The following CFAP52 variants were observed in gnomAD, a reference collection of about 807,000 sequenced individuals.
The protein encoded by CFAP52 is cilia and flagella associated protein 52, also known as cilia- and flagella-associated protein 52.
In CFAP52, 57 loss-of-function variants were observed where a neutral mutation model predicts 70.5. The observed-to-expected ratio is 0.81, with a 90% CI of 0.65 to 1.01. CFAP52 has a LOEUF of 1.01. CFAP52 is among the 50% of genes least tolerant of loss of function. The pLI is 0.00. For missense variants in CFAP52, 785 were observed against 788.5 expected (o/e 1.00, Z 0.05); for synonymous variants, 267 against 292.5 (o/e 0.91, Z 0.89).
In CFAP52 at chr17:9,585,957, A is replaced by G. The variant is rs760112887; in HGVS notation, c.255A>G (p.Thr85=). ...AGTACATCGCCTCCGGACAAGTCAC[A>G]TTCATGGGGTTCAAGGTGAATACAG... ...SGEYIASGQV[T]FMGFKADIIL... is the part of the protein sequence containing the mutation. The change falls in exon 2 of 14, where the codon ACA becomes ACG. Residue 85 remains threonine (T), a synonymous_variant. Coordinates refer to ENST00000352665, the MANE Select transcript of CFAP52 (RefSeq NM_145054.5). 6.2e-6 allele frequency: 10 copies of G among 1,611,554 alleles called. No individual in the cohort carries two copies. The highest frequency in any genetic ancestry group is 8.5e-6 in the Non-Finnish European group (10 of 1,178,728).
rs369683878 is a variant in CFAP52, at chr17:9,590,464, G to A, written c.407+3630G>A. The A allele has an allele frequency of 2.1e-3, 398 of 193,282 alleles. 8 individuals carry two copies. The South Asian group carries it at 0.042, about 20-fold the overall frequency. The allele number at this position is 193,282 out of a possible 1,614,324, so 12.0% of individuals were successfully genotyped here. ...AGGGCACTAGAGGCAAGCCCCTTCT[G>A]AAGCCCAAACATTCTCATGGCTTTG... On this transcript the variant is annotated intron_variant, in intron 3 of 13. Coordinates refer to ENST00000352665, the MANE Select transcript of CFAP52 (RefSeq NM_145054.5).
intron 6 of CFAP52, among the ~76,000 whole-genome samples, chr17:9,605,485 G>A (rs1315112899): frequency 2.0e-5 from 3 of 151,912 alleles, no homozygotes; most frequent in Non-Finnish European, 2.9e-5. Flanking sequence ...GAGCTGAGAC[G>A]AGCAGATCAT....
rs889213613 is a variant in CFAP52 at position 9,628,710 on chromosome 17, A to G, written c.1064A>G (p.Asp355Gly). 2 of 1,614,122 alleles carry G rather than the reference A, an allele frequency of 1.2e-6. No homozygotes were observed. Among genetic ancestry groups the G allele is most frequent in the Non-Finnish European group, 1.7e-6 (2 of 1,180,012 alleles). The change falls in exon 9 of 14, where the codon GAT becomes GGT. Residue 355 changes from aspartate (D) to glycine (G), a missense_variant. Asp to Gly is a moderately conservative substitution (Grantham distance 94). Coordinates refer to ENST00000352665, the MANE Select transcript of CFAP52 (RefSeq NM_145054.5). Reference protein sequence around the residue: ...AELFATCAKKDIRVWHTSSNR... With the variant: ...AELFATCAKKGIRVWHTSSNR... ...CTATTTGCAACCTGTGCCAAGAAGG[A>G]TATCAGGGTGTGGCACACATCATCC...
chr17:9,603,271 C>T (rs1909351385), intron 6 of CFAP52, among the ~76,000 whole-genome samples: 1 of 152,170 alleles, frequency 6.6e-6, no homozygotes, highest in Non-Finnish European at 1.5e-5. Context: ...TGCAGTGGCA[C>T]TATCTCGGCT....
chr17:9,644,235 A>G (rs562524837), downstream of CFAP52, among the ~76,000 whole-genome samples: 19 of 152,226 alleles, frequency 1.2e-4, no homozygotes, highest in East Asian at 3.5e-3. Context: ...CCTCCTGAGT[A>G]GCTAGGATTA....
intron 12 of CFAP52, 76 bp downstream of exon 12, chr17:9,638,787 G>C (rs774738034): frequency 7.8e-5 from 113 of 1,445,188 alleles, no homozygotes; most frequent in Non-Finnish European, 6.6e-5. Context: ...GGAGGGTGCG[G>C]GCTCTGGAGT....
intron 8 of CFAP52, among the ~76,000 whole-genome samples, chr17:9,622,373 A>G (rs1910074009): frequency 1.3e-5 from 2 of 151,962 alleles, no homozygotes; most frequent in Admixed American, 6.6e-5. Flanking sequence ...ATGGTGAGAC[A>G]CCCCTTCCTC....
In CFAP52 at chr17:9,643,302, G is replaced by A; in HGVS notation, c.*104G>A. ...CTTCATTTCTCACAGCTCTGTTTTTGTTCTTGAGTCAATTTTTCTCTTTTT... is the reference window on the plus strand; with the variant it reads ...CTTCATTTCTCACAGCTCTGTTTTTATTCTTGAGTCAATTTTTCTCTTTTT... On this transcript the variant is annotated 3_prime_UTR_variant, in exon 14 of 14. Coordinates refer to ENST00000352665, the MANE Select transcript of CFAP52 (RefSeq NM_145054.5). The A allele has an allele frequency of 9.3e-7, 1 of 1,072,298 alleles. No individual in the cohort carries two copies. Among genetic ancestry groups the A allele is most frequent in the Non-Finnish European group, 1.2e-6 (1 of 807,282 alleles). The allele number at this position is 1,072,298 out of a possible 1,614,324, so 66.4% of individuals were successfully genotyped here.
intron 10 of CFAP52, among the ~76,000 whole-genome samples, 200 bp from the exon 11 acceptor site, chr17:9,635,204 TC>T: frequency 6.6e-6 from 1 of 152,296 alleles, no homozygotes; most frequent in African/African-American, 2.4e-5. Flanking sequence ...TTTTTGAAGC[TC>T]TGTTGAAGAT....
intron 9 of CFAP52, among the ~76,000 whole-genome samples, chr17:9,630,684 T>C (rs1421244160): frequency 6.7e-6 from 1 of 150,298 alleles, no homozygotes; most frequent in Non-Finnish European, 1.5e-5. Flanking sequence ...CCCGCCTCGG[T>C]CTCCCAAAGT....
intron 1 of CFAP52, among the ~76,000 whole-genome samples, chr17:9,577,256 C>T (rs935269495): frequency 2.0e-5 from 3 of 152,142 alleles, no homozygotes; most frequent in Non-Finnish European, 4.4e-5. Context: ...GTTTGAGCAA[C>T]CCCCTGAGGG....
In CFAP52 at chr17:9,632,950, A is replaced by G. The variant is rs1910617986; in HGVS notation, c.1237A>G (p.Asn413Asp). The change falls in exon 10 of 14, where the codon AAC (asparagine) becomes GAC (aspartate). Residue 413 changes from asparagine (N) to aspartate (D), a missense_variant. Physicochemically the swap from Asn to Asp is conservative, Grantham distance 23 (BLOSUM62 1). Transcript: ENST00000352665. ...GACAGGCCGACTGATGTATGTCATT[A>G]ACAATGCTCACAGGATCGGCGTCAC... ...PETGRLMYVI[N>D]NAHRIGVTAI... 1 of 1,614,262 alleles carries G rather than the reference A, an allele frequency of 6.2e-7. No homozygotes were observed. Among genetic ancestry groups the G allele is most frequent in the Non-Finnish European group, 8.5e-7 (1 of 1,180,044 alleles).
At position 9,638,945 on chromosome 17, in the gene CFAP52, T is replaced by C. The variant is rs77241553; in HGVS notation, c.1575+234T>C. The C allele has an allele frequency of 5.1e-3, 2,623 of 511,590 alleles. 62 individuals are homozygous for C. The highest frequency in any genetic ancestry group is 0.045 in the African/African-American group (2,379 of 52,478). The allele number at this position is 511,590 out of a possible 1,614,324, so 31.7% of individuals were successfully genotyped here. On this transcript the variant is annotated intron_variant, in intron 12 of 13. Transcript: ENST00000352665. ...ATAGAGTAAGGATTAAAGTCATGCT[T>C]GCTCATGGTGCTTATAGCAGGGGGT... is the stretch of plus-strand genomic sequence containing the variant.
chr17:9,583,073 G>C (rs1317720629), intron 1 of CFAP52, among the ~76,000 whole-genome samples: 6 of 152,052 alleles, frequency 3.9e-5, no homozygotes, highest in Non-Finnish European at 8.8e-5. Context: ...TTAGGTCTTT[G>C]ATCTACCTGG....
intron 3 of CFAP52, among the ~76,000 whole-genome samples, chr17:9,589,192 A>G (rs1378417674): frequency 6.6e-6 from 1 of 152,232 alleles, no homozygotes; most frequent in East Asian, 1.9e-4. Flanking sequence ...CAATCTGTAG[A>G]AGAAAAATAG....
Position 9,643,232 on chromosome 17 carries a change from A to G in CFAP52, c.*34A>G. 6.5e-7 allele frequency: 1 copy of G among 1,540,780 alleles called. No individual in the cohort carries two copies. The highest frequency in any genetic ancestry group is 8.8e-7 in the Non-Finnish European group (1 of 1,138,992). ...AGATGTCTCTGAGCCTTGGCGTTGC[A>G]CGCAGTCCTGTTGAAGACTGAGTTT... On this transcript the variant is annotated 3_prime_UTR_variant, in exon 14 of 14. Coordinates refer to ENST00000352665, the MANE Select transcript of CFAP52 (RefSeq NM_145054.5).
chr17:9,583,279 A>G (rs992444710), intron 1 of CFAP52, among the ~76,000 whole-genome samples: 1 of 146,526 alleles, frequency 6.8e-6, no homozygotes, highest in African/African-American at 2.8e-5. Flanking sequence ...AATTAAAATG[A>G]AAAAAAATCA....
chr17:9,596,037 G>T (rs1364061458), intron 4 of CFAP52, among the ~76,000 whole-genome samples: 1 of 107,176 alleles, frequency 9.3e-6, no homozygotes. Flanking sequence ...ATATGTATAT[G>T]TATGTAGATA....
chr17:9,614,161 T>C (rs1236532603), intron 8 of CFAP52, among the ~76,000 whole-genome samples: 19 of 144,638 alleles, frequency 1.3e-4, no homozygotes, highest in Admixed American at 1.4e-4. Flanking sequence ...TTCTTTCTTT[T>C]TTTTTTTTTT....
Sources: allele counts gnomAD v4.1 joint callset (sites outside exome capture counted in the v4.1 genomes callset), GRCh38; gene constraint gnomAD v4.1.1; transcripts MANE v1.5; gene names NCBI Gene and HGNC (gene_info 2026-07-23, HGNC 2026-07-21).